Variants in ZKSCAN2 observed in about 807,000 individuals in gnomAD.
ZKSCAN2 encodes zinc finger with KRAB and SCAN domains 2, also known as zinc finger protein with KRAB and SCAN domains 2.
A neutral mutation model predicts 90.5 loss-of-function variants in ZKSCAN2; 38 were observed. The observed-to-expected ratio is 0.42, with a 90% CI of 0.32 to 0.55. The LOEUF (loss-of-function observed/expected upper bound fraction) is 0.55, where lower values mean the gene tolerates loss of function less well. Among genes scored for constraint, ZKSCAN2 ranks in the 20% least tolerant of loss-of-function variants. The pLI is 0.11. For missense variants in ZKSCAN2, 1,167 were observed against 1,202.6 expected (o/e 0.97, Z 0.44); for synonymous variants, 429 against 421.6 (o/e 1.02, Z -0.22).
intron 1 of ZKSCAN2, 76 bp from the exon 2 acceptor site, chr16:25,255,468 TC>T (rs1963087108): frequency 2.8e-6 from 4 of 1,453,260 alleles, no homozygotes; most frequent in Non-Finnish European, 3.7e-6. Flanking sequence ...AGGAAAGACA[TC>T]AAAGAAGGAC....
At position 25,247,748 on chromosome 16, in the gene ZKSCAN2, C is replaced by T. The variant is rs559711970; in HGVS notation, c.806-358G>A. The stretch of plus-strand genomic sequence containing the variant: ...CTTGTAAAATAAAGTGTATCTTTTC[C>T]CCACATTCCCCTCCATGCCCACCCC... On this transcript the variant is annotated intron_variant, in intron 4 of 6. Transcript: ENST00000328086. Among the ~76,000 whole-genome samples the T allele has an allele frequency of 4.6e-5, 7 of 152,212 alleles. No individual in the cohort carries two copies. The South Asian group carries it at 1.2e-3, about 27-fold the overall frequency.
intron 5 of ZKSCAN2, among the ~76,000 whole-genome samples, chr16:25,245,467 C>T (rs1055732633): frequency 6.6e-6 from 1 of 152,050 alleles, no homozygotes; most frequent in Non-Finnish European, 1.5e-5. Flanking sequence ...GTTTTCCATT[C>T]TATGTAAGAA....
chr16:25,244,091 T>G lies in ZKSCAN2; in HGVS notation c.1675A>C (p.Lys559Gln). 6.2e-7 allele frequency: 1 copy of G among 1,614,182 alleles called. No homozygotes were observed. The highest frequency in any genetic ancestry group is 8.5e-7 in the Non-Finnish European group (1 of 1,180,042). The stretch of plus-strand genomic sequence containing the variant: ...CCATTTTTCACCTTGCGGTAACTCT[T>G]CTGAAGGCTTTTGAACTTGGTTCGG... The part of the protein sequence containing the change: ...QCRTKFKSLQ[K>Q]SYRKVKNGHV... The change falls in exon 6 of 7, where the codon AAG becomes CAG. Residue 559 changes from lysine to glutamine, a missense_variant. Transcript: ENST00000328086.
At position 25,257,566 on chromosome 16, in the gene ZKSCAN2, C is replaced by T; in HGVS notation, c.-439G>A. 1.4e-5 allele frequency: 13 copies of T among 961,644 alleles called. No individual in the cohort carries two copies. The highest frequency in any genetic ancestry group is 1.6e-5 in the Non-Finnish European group (13 of 808,118). 59.6% of individuals were successfully genotyped at this position (961,644 alleles called of 1,614,324 possible). A position where few individuals can be genotyped will look rare whatever the true frequency, so the allele number is the denominator to read the frequency against. On this transcript the variant is annotated 5_prime_UTR_variant, in exon 1 of 7. Transcript: ENST00000328086. ...TGGGTGGGGCCGGATGTGCAGGCCC[C>T]GCCCGGCGCCAGGTTCCGGGCTCGG... is the stretch of plus-strand genomic sequence containing the variant.
chr16:25,252,678 C>T (rs1013357123), intron 3 of ZKSCAN2, among the ~76,000 whole-genome samples: 12 of 152,066 alleles, frequency 7.9e-5, no homozygotes, highest in African/African-American at 2.4e-4. Flanking sequence ...CTTTGGGAGG[C>T]CGGGTCGGGC....
rs373514402 is a variant in ZKSCAN2, at chr16:25,240,045, C to T, written c.2675G>A (p.Cys892Tyr). ...TGENPYKCVD[C>Y]EKSFNNCTRF... is the part of the protein sequence containing the mutation. ...CGTACAGTTATTGAAACTTTTTTCACAGTCCACACATTTGTAGGGATTCTC... is the reference window on the plus strand; with the variant it reads ...CGTACAGTTATTGAAACTTTTTTCATAGTCCACACATTTGTAGGGATTCTC... Residue 892 changes from cysteine (C) to tyrosine (Y), a missense_variant, in exon 7 of 7, where the codon TGT (cysteine) becomes TAT (tyrosine). By Grantham distance (194) the Cys-to-Tyr change is radical (BLOSUM62 -2). Coordinates refer to ENST00000328086, the MANE Select transcript of ZKSCAN2 (RefSeq NM_001012981.5). The T allele has an allele frequency of 8.1e-6, 13 of 1,613,932 alleles. No individual in the cohort carries two copies. The highest frequency in any genetic ancestry group is 3.3e-4 in the Middle Eastern group (2 of 6,082).
rs552973252 is a variant in ZKSCAN2, at chr16:25,243,576, G to A, written c.1981+209C>T. 2.8e-3 allele frequency among the ~76,000 whole-genome samples: 424 copies of A among 152,230 alleles called. 2 individuals carry two copies. The highest frequency in any genetic ancestry group is 9.7e-3 in the African/African-American group (404 of 41,552). On this transcript the variant is annotated intron_variant, in intron 6 of 6. Transcript: ENST00000328086. ...ACTCCTGACCCCAGGTGATCCACCC[G>A]CCTCAACCTCCCAAACTGCTAGGGT...
Position 25,257,018 on chromosome 16 carries a change from C to A in ZKSCAN2, c.110G>T (p.Gly37Val). The A allele has an allele frequency of 2.5e-6, 4 of 1,614,228 alleles. No individual in the cohort carries two copies. Among genetic ancestry groups the A allele is most frequent in the Non-Finnish European group, 3.4e-6 (4 of 1,180,044 alleles). The change falls in exon 1 of 7, where the codon GGA becomes GTA. Residue 37 changes from glycine to valine, a missense_variant. Gly to Val is a moderately radical substitution (Grantham distance 109, BLOSUM62 -3). Transcript: ENST00000328086. ...GCGGAAGGTCTCAGAGCTATCCGAT[C>A]CTTCCAGAATGGGCTCTGATGCCCA... is the stretch of plus-strand genomic sequence containing the variant. ...PEWASEPILE[G>V]SDSSETFRKC...
chr16:25,251,835 T>A (rs756364518), intron 4 of ZKSCAN2, 74 bp downstream of exon 4: 351 of 1,525,548 alleles, frequency 2.3e-4, no homozygotes, highest in Non-Finnish European at 3.0e-4. Flanking sequence ...TCTATCTGCC[T>A]ATCTTCTAAT....
chr16:25,246,494 C>T (rs902164680), intron 5 of ZKSCAN2: 7 of 593,508 alleles, frequency 1.2e-5, no homozygotes, highest in South Asian at 2.1e-5. Context: ...AAAGTGAAAA[C>T]GACTTCTCCA....
At chr16:25,242,498 A>G (rs182257796) in intron 6 of ZKSCAN2, among the ~76,000 whole-genome samples, 16 of 152,338 alleles carry the variant, frequency 1.1e-4, no homozygotes, top group Non-Finnish European at 1.8e-4. Context: ...CCTGTCCTTC[A>G]GGAGCTCACC....
intron 5 of ZKSCAN2, 89 bp downstream of exon 5, chr16:25,246,618 C>T (rs1198682957): frequency 2.9e-6 from 4 of 1,386,126 alleles, no homozygotes; most frequent in Admixed American, 3.5e-5. Context: ...GTGACAGCAC[C>T]CCCCGGGTTT....
chr16:25,257,081 T>C lies in ZKSCAN2; in HGVS notation c.47A>G (p.Glu16Gly), dbSNP rs1350631679. 3.1e-6 allele frequency: 5 copies of C among 1,613,498 alleles called. No individual in the cohort carries two copies. Among genetic ancestry groups the C allele is most frequent in the Non-Finnish European group, 4.2e-6 (5 of 1,179,686 alleles). ...DSQIDAPLEVEGCLIMKVEKD... is the reference protein window; with the variant it reads ...DSQIDAPLEVGGCLIMKVEKD... ...TTCCACCTTCATTATTAGGCATCCC[T>C]CAACCTCCAGGGGCGCGTCGATCTG... The change falls in exon 1 of 7, where the codon GAG becomes GGG. Residue 16 changes from glutamate (E) to glycine (G), a missense_variant. Glu to Gly is a moderately conservative substitution (Grantham distance 98). Coordinates refer to ENST00000328086, the MANE Select transcript of ZKSCAN2 (RefSeq NM_001012981.5).
Position 25,257,273 on chromosome 16 carries a change from TG to T in ZKSCAN2, c.-147del, listed in dbSNP as rs1963120812. On this transcript the variant is annotated 5_prime_UTR_variant, in exon 1 of 7. Transcript: ENST00000328086. ...TCGGCAGGAACAGGGTATTCCAGGC[TG>T]ATTAATCAAATCTATGCCAGGCCCT... 35 of 1,470,970 alleles carry T rather than the reference TG, an allele frequency of 2.4e-5. No individual in the cohort carries two copies. In the South Asian group the frequency reaches 4.9e-4, roughly 20 times the overall value. The allele number at this position is 1,470,970 out of a possible 1,614,324, so 91.1% of individuals were successfully genotyped here.
rs767671587 is a variant in ZKSCAN2 at position 25,240,301 on chromosome 16, C to T, written c.2419G>A (p.Asp807Asn). Residue 807 changes from aspartate (D) to asparagine (N), a missense_variant, in exon 7 of 7, where the codon GAC becomes AAC. Asp to Asn is a conservative substitution (Grantham distance 23). Transcript: ENST00000328086. ...HTGEKPFKCL[D>N]CGKSFNDSSN... is the part of the protein sequence containing the mutation. ...GAGTCATTAAAGCTTTTTCCACAGT[C>T]AAGACATTTAAAAGGTTTTTCGCCT... The T allele has an allele frequency of 1.2e-5, 20 of 1,613,952 alleles. No individual in the cohort carries two copies. The South Asian group carries it at 2.2e-4, about 18-fold the overall frequency.
At chr16:25,244,466 T>C (rs1333226916) in intron 5 of ZKSCAN2, among the ~76,000 whole-genome samples, 190 bp from the exon 6 acceptor site, 1 of 152,142 alleles carries the variant, frequency 6.6e-6, no homozygotes, top group Non-Finnish European at 1.5e-5. Context: ...ATCATAAAAC[T>C]AGAAAAAATG....
At position 25,247,072 on chromosome 16, in the gene ZKSCAN2, C is replaced by G; in HGVS notation, c.1124G>C (p.Gly375Ala). 1 of 1,614,202 alleles carries G rather than the reference C, an allele frequency of 6.2e-7. No homozygotes were observed. Among genetic ancestry groups the G allele is most frequent in the Non-Finnish European group, 8.5e-7 (1 of 1,180,046 alleles). Residue 375 changes from glycine to alanine, a missense_variant, in exon 5 of 7, where the codon GGT becomes GCT. Coordinates refer to ENST00000328086, the MANE Select transcript of ZKSCAN2 (RefSeq NM_001012981.5). ...QACPRNSQVY[G>A]AVAEWLRECG... is the part of the protein sequence containing the mutation. ...TTCTCGCAACCATTCAGCCACAGCA[C>G]CATACACTTGGCTATTTCGGGGACA...
In ZKSCAN2 at chr16:25,254,960, A is replaced by AT. The variant is rs201974879; in HGVS notation, c.586+245dup. 1.2e-3 allele frequency among the ~76,000 whole-genome samples: 175 copies of AT among 140,628 alleles called. 1 individual carries two copies. The highest frequency in any genetic ancestry group is 7.4e-3 in the Middle Eastern group (2 of 270). 92.3% of individuals were successfully genotyped at this position (140,628 alleles called of 152,430 possible). A position where few individuals can be genotyped will look rare whatever the true frequency, so the allele number is the denominator to read the frequency against. ...AGGTGCACGCCAACACACCTGGCTA[A>AT]TATTTTTTTTTTTTTTGCGATTTTG... On this transcript the variant is annotated intron_variant, in intron 2 of 6. Transcript: ENST00000328086.
At chr16:25,243,688 A>T (rs1962886674) in intron 6 of ZKSCAN2, 97 bp downstream of exon 6, 29 of 1,385,444 alleles carry the variant, frequency 2.1e-5, no homozygotes, top group Non-Finnish European at 2.7e-5. Context: ...TTCTTGAATG[A>T]AGGAATATTC....
Sources: allele counts gnomAD v4.1 joint callset (sites outside exome capture counted in the v4.1 genomes callset), GRCh38; gene constraint gnomAD v4.1.1; transcripts MANE v1.5; gene names NCBI Gene and HGNC (gene_info 2026-07-23, HGNC 2026-07-21).